SLC9A2: variants seen among roughly 807,000 people sequenced by gnomAD.
SLC9A2 encodes sodium/hydrogen exchanger 2.
A neutral mutation model predicts 71.7 loss-of-function variants in SLC9A2; 42 were observed. That is an observed-to-expected ratio of 0.59 (90% CI 0.46 to 0.76). The LOEUF (loss-of-function observed/expected upper bound fraction) is 0.76. Among genes scored for constraint, SLC9A2 ranks in the 30% least tolerant of loss-of-function variants. SLC9A2 has a pLI of 0.00. For missense variants in SLC9A2, 829 were observed against 1,017.4 expected (o/e 0.81, Z 2.52); for synonymous variants, 396 against 392.5 (o/e 1.01, Z -0.10).
chr2:102,649,905 G>A (rs1238516253), intron 1 of SLC9A2, among the ~76,000 whole-genome samples: 2 of 152,204 alleles, frequency 1.3e-5, no homozygotes, highest in African/African-American at 2.4e-5. Flanking sequence ...GGAAGACAGT[G>A]TGGTGATTCC....
At chr2:102,664,024 C>T (rs1677091537) in intron 2 of SLC9A2, among the ~76,000 whole-genome samples, 1 of 152,078 alleles carries the variant, frequency 6.6e-6, no homozygotes, top group East Asian at 1.9e-4. Flanking sequence ...GCCTGTAATC[C>T]TAGCATTTTG....
At chr2:102,679,344 A>C (rs1336316937) in intron 3 of SLC9A2, among the ~76,000 whole-genome samples, 2 of 151,520 alleles carry the variant, frequency 1.3e-5, no homozygotes, top group Non-Finnish European at 2.9e-5. Flanking sequence ...TGTTAAATTA[A>C]TTCATGTTTT....
chr2:102,626,954 G>C (rs981329221), intron 1 of SLC9A2, among the ~76,000 whole-genome samples: 2 of 152,104 alleles, frequency 1.3e-5, no homozygotes, highest in Admixed American at 1.3e-4. Context: ...CACCTAGATT[G>C]AATCCCTAAG....
At chr2:102,620,407 C>A (rs1676111816) in intron 1 of SLC9A2, among the ~76,000 whole-genome samples, 2 of 152,208 alleles carry the variant, frequency 1.3e-5, no homozygotes, top group African/African-American at 4.8e-5. Context: ...CCGCACGGAA[C>A]GCCAAGTTTG....
intron 1 of SLC9A2, among the ~76,000 whole-genome samples, chr2:102,634,341 G>A (rs1558702293): frequency 6.6e-6 from 1 of 152,154 alleles, no homozygotes; most frequent in African/African-American, 2.4e-5. Flanking sequence ...CAAAATCCCA[G>A]CCCTGCTGCT....
At chr2:102,643,843 G>A (rs879367704) in intron 1 of SLC9A2, among the ~76,000 whole-genome samples, 17 of 151,546 alleles carry the variant, frequency 1.1e-4, no homozygotes, top group Non-Finnish European at 2.2e-4. Flanking sequence ...ATTCATAGGC[G>A]TGATCCCACT....
Position 102,708,948 on chromosome 2 carries a change from G to A in SLC9A2, c.*459G>A, listed in dbSNP as rs1489245141. 6.0e-6 allele frequency: 1 copy of A among 165,560 alleles called. No individual in the cohort carries two copies. The highest frequency in any genetic ancestry group is 1.3e-5 in the Non-Finnish European group (1 of 76,632). 10.3% of individuals were successfully genotyped at this position (165,560 alleles called of 1,614,324 possible). On this transcript the variant is annotated 3_prime_UTR_variant, in exon 12 of 12. Coordinates refer to ENST00000233969, the MANE Select transcript of SLC9A2 (RefSeq NM_003048.6). ...CCCAGGGGTGAAGGATGGCGCTCGG[G>A]GGTGACTCCTAAGCTCAGCGTGGAA...
At chr2:102,682,408 G>A (rs569564525) in intron 3 of SLC9A2, among the ~76,000 whole-genome samples, 5 of 152,262 alleles carry the variant, frequency 3.3e-5, no homozygotes, top group South Asian at 4.1e-4. Context: ...GGTGTGTGCC[G>A]GGGTGGAGAG....
At chr2:102,632,131 T>TATATATGTATATATACATATATACAC (rs1558701538) in intron 1 of SLC9A2, among the ~76,000 whole-genome samples, 4 of 47,894 alleles carry the variant, frequency 8.4e-5, no homozygotes, top group African/African-American at 1.9e-4. Context: ...CATATATACA[T>TATATATGTATATATACATATATACAC]ATATATGTAT....
intron 1 of SLC9A2, among the ~76,000 whole-genome samples, chr2:102,630,088 A>G (rs867808725): frequency 1.2e-4 from 19 of 152,240 alleles, no homozygotes; most frequent in African/African-American, 4.6e-4. Context: ...ATATTTTGTC[A>G]TAATTCATAT....
rs1308557621 is a variant in SLC9A2, at chr2:102,701,139, T to C, written c.1656T>C (p.Ile552=). 6.2e-7 allele frequency: 1 copy of C among 1,611,812 alleles called. No individual in the cohort carries two copies. The highest frequency in any genetic ancestry group is 1.1e-5 in the South Asian group (1 of 90,688). Reference sequence around the variant, plus strand: ...GGGAAAACCAACCAAAGTCAAGTATTGTATCTTTATATAAAAAGCTTGAAA... The same window carrying C: ...GGGAAAACCAACCAAAGTCAAGTATCGTATCTTTATATAAAAAGCTTGAAA... ...LIRENQPKSS[I]VSLYKKLEIK... The change falls in exon 8 of 12, where the codon ATT becomes ATC. Residue 552 remains isoleucine (I), a synonymous_variant. Transcript: ENST00000233969.
intron 1 of SLC9A2, among the ~76,000 whole-genome samples, chr2:102,643,575 C>T (rs1222545845): frequency 6.6e-6 from 1 of 152,206 alleles, no homozygotes; most frequent in Non-Finnish European, 1.5e-5. Flanking sequence ...AAAGAAGACC[C>T]AGAGAACTGA....
intron 1 of SLC9A2, among the ~76,000 whole-genome samples, chr2:102,645,988 A>G (rs1023727061): frequency 1.3e-5 from 2 of 152,178 alleles, no homozygotes; most frequent in Admixed American, 6.5e-5. Context: ...AGCAACCACA[A>G]GACACATAAT....
At chr2:102,681,831 T>C (rs926378364) in intron 3 of SLC9A2, among the ~76,000 whole-genome samples, 3 of 152,226 alleles carry the variant, frequency 2.0e-5, no homozygotes, top group Non-Finnish European at 4.4e-5. Flanking sequence ...AAAATAAACA[T>C]ACCTGCCTTT....
rs17833353 is a variant in SLC9A2 at position 102,708,116 on chromosome 2, T to G, written c.2069-3T>G. The G allele has an allele frequency of 6.2e-7, 1 of 1,607,764 alleles. No individual in the cohort carries two copies. On this transcript the variant is annotated splice_polypyrimidine_tract_variant and splice_region_variant and intron_variant, in intron 11 of 11. Coordinates refer to ENST00000233969, the MANE Select transcript of SLC9A2 (RefSeq NM_003048.6). ...GCCCACCTTGTCTTTTGCTCCGTGA[T>G]AGATGGCAATAGCAGCGACTCAGAC...
At chr2:102,629,460 T>C (rs1196252945) in intron 1 of SLC9A2, among the ~76,000 whole-genome samples, 3 of 152,138 alleles carry the variant, frequency 2.0e-5, no homozygotes, top group African/African-American at 4.8e-5. Flanking sequence ...TATGTTATTT[T>C]CATTTGGCTA....
chr2:102,664,394 T>C (rs1187543540), intron 2 of SLC9A2, among the ~76,000 whole-genome samples: 1 of 151,570 alleles, frequency 6.6e-6, no homozygotes, highest in Non-Finnish European at 1.5e-5. Context: ...TCTTGAAGAA[T>C]AAGAAAACCT....
In SLC9A2 at chr2:102,664,986, T is replaced by C. The variant is rs1677106309; in HGVS notation, c.754-114T>C. 6 of 1,087,558 alleles carry C rather than the reference T, an allele frequency of 5.5e-6. No individual in the cohort carries two copies. The Admixed American group carries it at 1.4e-4, about 25-fold the overall frequency. 67.4% of individuals were successfully genotyped at this position (1,087,558 alleles called of 1,614,324 possible). ...ACACAATGATTGTCATTTTCCTACT[T>C]GGGTACACAGAAGAAATGTCCTTAT... On this transcript the variant is annotated intron_variant, in intron 2 of 11. Coordinates refer to ENST00000233969, the MANE Select transcript of SLC9A2 (RefSeq NM_003048.6).
chr2:102,703,462 TC>T (rs796354540), intron 9 of SLC9A2, among the ~76,000 whole-genome samples: 3 of 152,284 alleles, frequency 2.0e-5, no homozygotes, highest in African/African-American at 7.2e-5. Context: ...GTCAAAAGCC[TC>T]CAGTTTTTAA....
Sources: allele counts gnomAD v4.1 joint callset (sites outside exome capture counted in the v4.1 genomes callset), GRCh38; gene constraint gnomAD v4.1.1; transcripts MANE v1.5; gene names NCBI Gene and HGNC (gene_info 2026-07-23, HGNC 2026-07-21).